The following ATP8A2 variants were observed in gnomAD, a reference collection of about 807,000 sequenced individuals.
ATP8A2 encodes the protein phospholipid-transporting ATPase IB.
A neutral mutation model predicts 165.6 loss-of-function variants in ATP8A2; 100 were observed. The ratio of observed to expected loss-of-function variants is 0.60; its 90% CI spans 0.51 to 0.71. ATP8A2 has a LOEUF of 0.71. Among genes scored for constraint, ATP8A2 ranks in the 30% least tolerant of loss-of-function variants. The probability of loss-of-function intolerance (pLI) is 0.00; values close to 1 mark genes in which losing one functional copy is unlikely to be tolerated. For synonymous variants in ATP8A2, 543 were observed against 548.8 expected (o/e 0.99, Z 0.15); for missense variants, 1,227 against 1,479.5 (o/e 0.83, Z 2.80).
chr13:25,424,145 A>C (rs1304121588), intron 1 of ATP8A2, among the ~76,000 whole-genome samples: 1 of 152,180 alleles, frequency 6.6e-6, no homozygotes, highest in Non-Finnish European at 1.5e-5. Flanking sequence ...TGACATGCTC[A>C]GGAGAAGAAA....
chr13:25,944,531 G>C (rs1242421986), intron 33 of ATP8A2: 2 of 151,726 alleles, frequency 1.3e-5, no homozygotes, highest in African/African-American at 4.8e-5. Context: ...CCTGTAGAAG[G>C]ATTGCTTAAG....
chr13:25,805,820 T>C (rs764771632), intron 27 of ATP8A2, among the ~76,000 whole-genome samples: 1 of 152,186 alleles, frequency 6.6e-6, no homozygotes, highest in African/African-American at 2.4e-5. Context: ...AGTTCTCACA[T>C]TGATTTGGAT....
chr13:25,512,233 A>C (rs2037252024), intron 2 of ATP8A2, among the ~76,000 whole-genome samples: 1 of 152,210 alleles, frequency 6.6e-6, no homozygotes, highest in South Asian at 2.1e-4. Context: ...ATCCCAAGGC[A>C]GAATAATTTT....
At chr13:25,569,488 T>A (rs1211982325) in intron 16 of ATP8A2, among the ~76,000 whole-genome samples, 1 of 152,238 alleles carries the variant, frequency 6.6e-6, no homozygotes, top group African/African-American at 2.4e-5. Context: ...ATCTCAATTT[T>A]ATAGCCAGTT....
intron 2 of ATP8A2, among the ~76,000 whole-genome samples, chr13:25,499,326 C>A (rs1214897084): frequency 2.6e-5 from 4 of 152,192 alleles, no homozygotes; most frequent in Non-Finnish European, 4.4e-5. Flanking sequence ...CCCTACTTCA[C>A]AAATAATGCC....
intron 34 of ATP8A2, among the ~76,000 whole-genome samples, chr13:25,966,612 T>G (rs2139202725): frequency 6.6e-6 from 1 of 152,318 alleles, no homozygotes; most frequent in South Asian, 2.1e-4. Context: ...TCACAGGGGC[T>G]AAACTAGTGG....
chr13:25,769,059 C>A lies in ATP8A2; in HGVS notation c.2398C>A (p.Gln800Lys), dbSNP rs2044558735. The change falls in exon 26 of 37, where the codon CAG (glutamine) becomes AAG (lysine). Residue 800 changes from glutamine to lysine, a missense_variant. Physicochemically the swap from Gln to Lys is moderately conservative, Grantham distance 53. This residue lies in a region of ATP8A2 where 592 missense variants were observed against 785.6 expected (regional missense o/e 0.75). Transcript: ENST00000381655. ...AVICCRVSPL[Q>K]KSEIVDVVKK... ...CTTTTCTCACAGAGTGTCTCCTCTG[C>A]AGAAGTCTGAGATAGTGGATGTGGT... 6.2e-7 allele frequency: 1 copy of A among 1,614,116 alleles called. No homozygotes were observed. The highest frequency in any genetic ancestry group is 8.5e-7 in the Non-Finnish European group (1 of 1,179,990).
intron 2 of ATP8A2, among the ~76,000 whole-genome samples, chr13:25,480,332 G>A (rs1305346864): frequency 1.3e-5 from 2 of 151,770 alleles, no homozygotes; most frequent in African/African-American, 2.4e-5. Context: ...GGCGGCTGCC[G>A]GGCGGAGACG....
At chr13:25,520,032 A>T (rs1021906626) in intron 2 of ATP8A2, among the ~76,000 whole-genome samples, 1 of 152,224 alleles carries the variant, frequency 6.6e-6, no homozygotes, top group Non-Finnish European at 1.5e-5. Context: ...AATGCCTTAA[A>T]TCTCTTCTAG....
chr13:25,574,116 A>G (rs2039548461), intron 18 of ATP8A2, among the ~76,000 whole-genome samples: 1 of 152,230 alleles, frequency 6.6e-6, no homozygotes, highest in Non-Finnish European at 1.5e-5. Context: ...TAAAAATCTG[A>G]AAATAGCATG....
intron 1 of ATP8A2, among the ~76,000 whole-genome samples, chr13:25,461,638 T>C (rs1056608513): frequency 6.6e-6 from 1 of 152,240 alleles, no homozygotes; most frequent in Non-Finnish European, 1.5e-5. Context: ...TCTTAACTCA[T>C]GTAATAACAG....
chr13:25,703,434 G>T (rs2137936989), intron 25 of ATP8A2, among the ~76,000 whole-genome samples: 1 of 152,190 alleles, frequency 6.6e-6, no homozygotes, highest in South Asian at 2.1e-4. Flanking sequence ...AGTACCATAT[G>T]ACCCAGAAAT....
intron 27 of ATP8A2, among the ~76,000 whole-genome samples, chr13:25,781,058 G>A (rs113308785): frequency 0.026 from 4,004 of 152,220 alleles, 171 homozygotes; most frequent in African/African-American, 0.091. Context: ...TCAGGAGATC[G>A]AGACCATCCT....
chr13:25,727,436 G>A (rs2043518932), intron 25 of ATP8A2, among the ~76,000 whole-genome samples: 1 of 152,136 alleles, frequency 6.6e-6, no homozygotes, highest in African/African-American at 2.4e-5. Flanking sequence ...CCCCATGCCA[G>A]AGCTGTATTT....
chr13:25,373,839 A>G (rs2032516809), intron 1 of ATP8A2, among the ~76,000 whole-genome samples: 1 of 152,180 alleles, frequency 6.6e-6, no homozygotes. Context: ...GTGCAAGGCC[A>G]GACATAGAGA....
At chr13:25,886,371 G>A (rs1370409358) in intron 33 of ATP8A2, among the ~76,000 whole-genome samples, 1 of 152,066 alleles carries the variant, frequency 6.6e-6, no homozygotes, top group African/African-American at 2.4e-5. Flanking sequence ...GGTGGCACTT[G>A]CCCTGGCTGG....
chr13:25,422,988 G>A (rs1404030152), intron 1 of ATP8A2, among the ~76,000 whole-genome samples: 2 of 152,054 alleles, frequency 1.3e-5, no homozygotes, highest in African/African-American at 4.8e-5. Flanking sequence ...CTCTCTTCAT[G>A]GCCTTCCTTG....
chr13:26,013,535 G>C (rs1052653063), intron 36 of ATP8A2, among the ~76,000 whole-genome samples: 4 of 152,124 alleles, frequency 2.6e-5, no homozygotes, highest in African/African-American at 9.7e-5. Flanking sequence ...TTAGCTGGGC[G>C]TGACGGCACA....
rs563092164 is a variant in ATP8A2, at chr13:25,804,375, G to A, written c.2680-23743G>A. 7.2e-5 allele frequency among the ~76,000 whole-genome samples: 11 copies of A among 152,292 alleles called. No individual in the cohort carries two copies. The South Asian group carries it at 2.3e-3, about 32-fold the overall frequency. ...TTAGAAGCCTCTCCGCTCTGACAGG[G>A]ATGGTAAAGCTCATTTTAATTCTGA... On this transcript the variant is annotated intron_variant, in intron 27 of 36. Transcript: ENST00000381655.
Sources: allele counts gnomAD v4.1 joint callset (sites outside exome capture counted in the v4.1 genomes callset), GRCh38; gene constraint gnomAD v4.1.1; regional missense constraint gnomAD v4.1.1; transcripts MANE v1.5; gene names NCBI Gene and HGNC (gene_info 2026-07-23, HGNC 2026-07-21).